Variants in NELL1 observed in about 807,000 individuals in gnomAD.
The protein encoded by NELL1 is neural EGFL like 1, also known as protein kinase C-binding protein NELL1.
NELL1 carries 76 observed loss-of-function variants against 107.4 expected under a neutral mutation model. The ratio of observed to expected loss-of-function variants is 0.71; its 90% confidence interval spans 0.59 to 0.86. NELL1 has a LOEUF of 0.86. NELL1 is among the 40% of genes least tolerant of loss of function. NELL1 has a pLI of 0.00. For synonymous variants in NELL1, 353 were observed against 341.2 expected (o/e 1.03, Z -0.38); for missense variants, 1,024 against 1,005.5 (o/e 1.02, Z -0.25).
At chr11:21,329,068 T>A (rs1850212881) in intron 14 of NELL1, among the ~76,000 whole-genome samples, 2 of 152,152 alleles carry the variant, frequency 1.3e-5, no homozygotes, top group Non-Finnish European at 2.9e-5. Context: ...GGCATGATTA[T>A]GTTACAAAAC....
At chr11:20,938,953 T>G (rs1231349754) in intron 10 of NELL1, among the ~76,000 whole-genome samples, 1 of 151,960 alleles carries the variant, frequency 6.6e-6, no homozygotes, top group African/African-American at 2.4e-5. Flanking sequence ...TGTGTGTGTG[T>G]GTGTGTGTGT....
chr11:20,825,662 G>A (rs1377998741), intron 3 of NELL1, among the ~76,000 whole-genome samples: 1 of 151,342 alleles, frequency 6.6e-6, no homozygotes, highest in Admixed American at 6.6e-5. Context: ...TTGTATCTAG[G>A]AAGTAACTAA....
At chr11:20,761,655 G>C (rs549338831) in intron 2 of NELL1, among the ~76,000 whole-genome samples, 1 of 152,160 alleles carries the variant, frequency 6.6e-6, no homozygotes, top group Non-Finnish European at 1.5e-5. Context: ...AAGTTTTAGC[G>C]AAGGAATGAC....
chr11:21,268,620 C>T (rs1459896231), intron 14 of NELL1, among the ~76,000 whole-genome samples: 3 of 152,102 alleles, frequency 2.0e-5, no homozygotes, highest in African/African-American at 7.2e-5. Flanking sequence ...AGTTCAGAGG[C>T]ACAGTCTTAA....
intron 12 of NELL1, among the ~76,000 whole-genome samples, chr11:21,088,901 A>C (rs1417143268): frequency 2.0e-5 from 3 of 152,190 alleles, no homozygotes; most frequent in African/African-American, 7.2e-5. Flanking sequence ...ATTTGAGATC[A>C]ATTATATGGG....
At chr11:21,229,504 C>A in intron 14 of NELL1, 50 bp downstream of exon 14, 2 of 1,609,986 alleles carry the variant, frequency 1.2e-6, no homozygotes, top group Non-Finnish European at 1.7e-6. Flanking sequence ...TCTGCCTGGG[C>A]TCTTGGCACT....
rs1038725321 is a variant in NELL1 at position 20,754,131 on chromosome 11, A to G, written c.185-29549A>G. ...GGTGAGTGGTGGATCTCCAGAGGAA[A>G]ATCACTGTGTAGCTACCAAAAAAGA... On this transcript the variant is annotated intron_variant, in intron 2 of 19. Transcript: ENST00000357134. Among the ~76,000 whole-genome samples the G allele has an allele frequency of 3.3e-5, 5 of 152,090 alleles. 1 individual carries two copies. Among genetic ancestry groups the G allele is most frequent in the African/African-American group, 1.2e-4 (5 of 41,406 alleles).
intron 12 of NELL1, among the ~76,000 whole-genome samples, chr11:20,984,344 G>A (rs10833425): frequency 0.27 from 41,575 of 152,054 alleles, 7,071 homozygotes; most frequent in East Asian, 0.51. Flanking sequence ...ATCTGAGTCC[G>A]TATCTTGGCT....
intron 17 of NELL1, among the ~76,000 whole-genome samples, chr11:21,567,568 GATACATTTTTCAACCTGT>G (rs1564964826): frequency 6.6e-6 from 1 of 151,744 alleles, no homozygotes; most frequent in African/African-American, 2.4e-5. Flanking sequence ...CAATGCACAC[GATACATTTTTCAACCTGT>G]TGTTATATAT....
At chr11:21,468,623 A>G (rs1564909407) in intron 15 of NELL1, among the ~76,000 whole-genome samples, 1 of 151,830 alleles carries the variant, frequency 6.6e-6, no homozygotes. Flanking sequence ...CTGGAAAGTG[A>G]AAAAAAATGA....
chr11:21,005,142 G>C (rs1182928141), intron 12 of NELL1, among the ~76,000 whole-genome samples: 4 of 152,084 alleles, frequency 2.6e-5, no homozygotes, highest in Non-Finnish European at 5.9e-5. Flanking sequence ...ATCAACTTGT[G>C]TTTCATTATT....
chr11:20,718,925 TCTGGGACTC>T (rs1431443645), intron 2 of NELL1, among the ~76,000 whole-genome samples: 3 of 152,178 alleles, frequency 2.0e-5, no homozygotes, highest in Admixed American at 2.0e-4. Context: ...TTATGGGACA[TCTGGGACTC>T]CTGGAGCAAG....
intron 15 of NELL1, among the ~76,000 whole-genome samples, chr11:21,440,424 GTATT>G (rs528928190): frequency 2.5e-4 from 38 of 152,072 alleles, no homozygotes; most frequent in South Asian, 1.2e-3. Context: ...GCATTTAAAA[GTATT>G]TATTTAGGTG....
intron 4 of NELL1, among the ~76,000 whole-genome samples, chr11:20,861,733 C>T (rs1184372648): frequency 6.6e-6 from 1 of 152,196 alleles, no homozygotes; most frequent in African/African-American, 2.4e-5. Context: ...GGTTAGACAT[C>T]AGGTGAGCAC....
In NELL1 at chr11:21,498,205, A is replaced by G. The variant is rs890950871; in HGVS notation, c.1646-36169A>G. 2.9e-4 allele frequency among the ~76,000 whole-genome samples: 44 copies of G among 151,404 alleles called. 3 individuals are homozygous for G. Among genetic ancestry groups the G allele is most frequent in the Non-Finnish European group, 1.5e-5 (1 of 67,734 alleles). On this transcript the variant is annotated intron_variant, in intron 15 of 19. Coordinates refer to ENST00000357134, the MANE Select transcript of NELL1 (RefSeq NM_006157.5). ...TTTGAATAAAATCTAAATTCTTTTT[A>G]TATTCTTTCTTGACTCTATTCCTTC...
intron 15 of NELL1, among the ~76,000 whole-genome samples, chr11:21,456,987 T>C (rs901556835): frequency 5.0e-5 from 7 of 139,882 alleles, no homozygotes; most frequent in Non-Finnish European, 7.6e-5. Context: ...TCCCTGGAAA[T>C]ACACACACAC....
intron 13 of NELL1, among the ~76,000 whole-genome samples, chr11:21,175,029 A>G (rs1312430996): frequency 6.6e-6 from 1 of 151,812 alleles, no homozygotes; most frequent in Admixed American, 6.6e-5. Flanking sequence ...ACATGACCTA[A>G]AACAATGTTG....
At chr11:21,528,735 GATAA>G (rs1461331591) in intron 15 of NELL1, among the ~76,000 whole-genome samples, 1 of 152,058 alleles carries the variant, frequency 6.6e-6, no homozygotes, top group African/African-American at 2.4e-5. Flanking sequence ...GCTCAAAAAA[GATAA>G]ATAACTTGCT....
chr11:21,278,645 A>G (rs1848923869), intron 14 of NELL1, among the ~76,000 whole-genome samples: 1 of 152,176 alleles, frequency 6.6e-6, no homozygotes, highest in African/African-American at 2.4e-5. Flanking sequence ...TCAAAGAACT[A>G]AATAGAGAGA....
Sources: allele counts gnomAD v4.1 joint callset (sites outside exome capture counted in the v4.1 genomes callset), GRCh38; gene constraint gnomAD v4.1.1; transcripts MANE v1.5; gene names NCBI Gene and HGNC (gene_info 2026-07-23, HGNC 2026-07-21).